Variants in ADD3 observed in about 807,000 individuals in gnomAD.
ADD3 encodes the protein adducin 3, also known as gamma-adducin.
ADD3 carries 25 observed loss-of-function variants against 80.2 expected under a neutral mutation model. That is an observed-to-expected ratio of 0.31 (90% CI 0.23 to 0.44). ADD3 has a LOEUF of 0.44. Among genes scored for constraint, ADD3 ranks in the 20% least tolerant of loss-of-function variants. The probability of loss-of-function intolerance (pLI) is 1.00; values close to 1 mark genes in which losing one functional copy is unlikely to be tolerated. For synonymous variants in ADD3, 284 were observed against 289.6 expected, an observed-to-expected ratio of 0.98 and a Z score of 0.20; for missense variants, 829 against 847.5, an observed-to-expected ratio of 0.98 and a Z score of 0.27.
intron 1 of ADD3, among the ~76,000 whole-genome samples, chr10:110,071,253 C>A (rs890214394): frequency 6.6e-6 from 1 of 152,040 alleles, no homozygotes; most frequent in Admixed American, 6.5e-5. Context: ...TGGAACAGCT[C>A]AAAGCAAAAG....
intron 1 of ADD3, among the ~76,000 whole-genome samples, chr10:110,050,535 C>T (rs557957311): frequency 1.4e-4 from 20 of 139,190 alleles, no homozygotes; most frequent in Non-Finnish European, 2.3e-4. Context: ...TTTCCTGAAG[C>T]GGAGTCTCGC....
intron 1 of ADD3, among the ~76,000 whole-genome samples, chr10:110,082,539 A>G (rs1001806195): frequency 2.0e-4 from 31 of 152,198 alleles, no homozygotes; most frequent in African/African-American, 7.5e-4. Flanking sequence ...ACTTCTCTCC[A>G]CAATTATTAA....
At chr10:110,048,881 G>A (rs1412252511) in intron 1 of ADD3, among the ~76,000 whole-genome samples, 2 of 152,234 alleles carry the variant, frequency 1.3e-5, no homozygotes, top group Non-Finnish European at 2.9e-5. Flanking sequence ...GTGATGAGGA[G>A]CCAAATGTTA....
At chr10:110,084,369 G>C (rs59880200) in intron 1 of ADD3, among the ~76,000 whole-genome samples, 1 of 152,274 alleles carries the variant, frequency 6.6e-6, no homozygotes, top group African/African-American at 2.4e-5. Context: ...GCTTTTTAGA[G>C]ATAAAAGTTA....
chr10:110,081,698 T>C lies in ADD3; in HGVS notation c.-29-18927T>C, dbSNP rs139680137. On this transcript the variant is annotated intron_variant, in intron 1 of 14. Coordinates refer to ENST00000356080, the MANE Select transcript of ADD3 (RefSeq NM_016824.5). Reference sequence around the variant, plus strand: ...GATGTATAAAAAACTGTTGGAATTATTGTGCTTCACCTATTATGATTTTTT... The same window carrying C: ...GATGTATAAAAAACTGTTGGAATTACTGTGCTTCACCTATTATGATTTTTT... 7.4e-4 allele frequency among the ~76,000 whole-genome samples: 113 copies of C among 152,314 alleles called. 2 individuals are homozygous for C. The highest frequency in any genetic ancestry group is 2.5e-3 in the African/African-American group (105 of 41,570).
intron 10 of ADD3, among the ~76,000 whole-genome samples, chr10:110,125,351 C>T (rs182237433): frequency 4.3e-4 from 66 of 152,054 alleles, no homozygotes; most frequent in African/African-American, 1.3e-3. Flanking sequence ...TATAAAATGC[C>T]GATTAGGGCT....
At chr10:110,066,347 C>T (rs1452251406) in intron 1 of ADD3, among the ~76,000 whole-genome samples, 3 of 152,170 alleles carry the variant, frequency 2.0e-5, no homozygotes, top group African/African-American at 7.2e-5. Context: ...TCAAGCAGTT[C>T]TGCCTCAGCC....
At chr10:110,102,681 A>T (rs1326233102) in intron 2 of ADD3, among the ~76,000 whole-genome samples, 2 of 152,204 alleles carry the variant, frequency 1.3e-5, no homozygotes, top group Admixed American at 6.5e-5. Flanking sequence ...GAATGAAGTG[A>T]AGTTTCAATT....
Position 110,059,259 on chromosome 10 carries a change from G to A in ADD3, c.-29-41366G>A, listed in dbSNP as rs1858580855. ...GGCTGAGGCAGTTGAATCACTTGAA[G>A]TCAGGAGTTTGAGGCCTGCCTGGCC... On this transcript the variant is annotated intron_variant, in intron 1 of 14. Coordinates refer to ENST00000356080, the MANE Select transcript of ADD3 (RefSeq NM_016824.5). Among the ~76,000 whole-genome samples the A allele has an allele frequency of 2.6e-5, 4 of 152,244 alleles. No individual in the cohort carries two copies. In the South Asian group the frequency reaches 8.3e-4, roughly 32 times the overall value.
intron 11 of ADD3, 125 bp downstream of exon 11, chr10:110,126,070 C>A: frequency 9.7e-7 from 1 of 1,028,746 alleles, no homozygotes; most frequent in East Asian, 2.5e-5. Context: ...GAATTTAATT[C>A]AGTATAATTT....
At chr10:110,054,338 G>C (rs1020158675) in intron 1 of ADD3, among the ~76,000 whole-genome samples, 3 of 151,854 alleles carry the variant, frequency 2.0e-5, no homozygotes, top group Admixed American at 2.0e-4. Flanking sequence ...TTATTTGTGT[G>C]TAATACAGGG....
intron 1 of ADD3, among the ~76,000 whole-genome samples, chr10:110,057,738 GGTAAACA>G (rs1489956844): frequency 2.6e-5 from 4 of 152,062 alleles, no homozygotes; most frequent in Admixed American, 2.6e-4. Flanking sequence ...CATGTAAAAT[GGTAAACA>G]GTAGGCACCC....
intron 1 of ADD3, among the ~76,000 whole-genome samples, chr10:110,074,637 G>T (rs987686613): frequency 6.6e-6 from 1 of 151,200 alleles, no homozygotes; most frequent in Non-Finnish European, 1.5e-5. Context: ...TTTTTAAAAT[G>T]CTATCTTTCT....
intron 12 of ADD3, among the ~76,000 whole-genome samples, chr10:110,127,754 C>A (rs768750551): frequency 2.0e-5 from 3 of 152,204 alleles, no homozygotes; most frequent in Non-Finnish European, 4.4e-5. Flanking sequence ...TGCACAGGTT[C>A]ATCTGGAGGA....
upstream of ADD3, among the ~76,000 whole-genome samples, chr10:110,002,376 C>T (rs770909727): frequency 3.4e-4 from 51 of 152,184 alleles, no homozygotes; most frequent in East Asian, 1.2e-3. Flanking sequence ...CGGGTTCACG[C>T]CATTCTCCTG....
upstream of ADD3, among the ~76,000 whole-genome samples, chr10:110,003,593 A>G (rs1364539462): frequency 4.6e-5 from 7 of 152,200 alleles, no homozygotes; most frequent in Non-Finnish European, 1.0e-4. Context: ...CTTAAAAGAC[A>G]GCTATACTGA....
At chr10:110,011,570 C>T (rs887839447) in intron 1 of ADD3, among the ~76,000 whole-genome samples, 1 of 152,334 alleles carries the variant, frequency 6.6e-6, no homozygotes, top group African/African-American at 2.4e-5. Context: ...TCACACTAAA[C>T]ACTGTTTTTG....
At chr10:110,034,211 T>C (rs1855379223) in intron 1 of ADD3, among the ~76,000 whole-genome samples, 1 of 152,134 alleles carries the variant, frequency 6.6e-6, no homozygotes, top group Non-Finnish European at 1.5e-5. Flanking sequence ...TTAAAATTTG[T>C]AGTTACAAAT....
intron 5 of ADD3, 130 bp downstream of exon 5, chr10:110,117,552 A>G (rs1590197467): frequency 1.7e-6 from 1 of 604,120 alleles, no homozygotes; most frequent in Non-Finnish European, 3.0e-6. Context: ...CAGTGAAGGG[A>G]ATTTGAACTA....
Sources: gnomAD v4.1 joint callset for allele counts (sites outside exome capture counted in the v4.1 genomes callset) on GRCh38, gnomAD v4.1.1 for gene constraint, MANE v1.5 for transcripts, NCBI Gene and HGNC (gene_info 2026-07-23, HGNC 2026-07-21) for gene names.